INTS7: variants seen among roughly 807,000 people sequenced by gnomAD.
INTS7 encodes the protein chromosome 1 open reading frame 73.
A neutral mutation model predicts 109.2 loss-of-function variants in INTS7; 46 were observed. The observed-to-expected ratio is 0.42, with a 90% confidence interval of 0.33 to 0.54. The LOEUF (loss-of-function observed/expected upper bound fraction) is 0.54. Among genes scored for constraint, INTS7 ranks in the 20% least tolerant of loss-of-function variants. The pLI is 0.07. For missense variants in INTS7, 929 were observed against 1,132.4 expected (o/e 0.82, Z 2.58); for synonymous variants, 412 against 402.9 (o/e 1.02, Z -0.27).
At chr1:211,962,023 C>T (rs1663655256) in intron 16 of INTS7, among the ~76,000 whole-genome samples, 3 of 152,114 alleles carry the variant, frequency 2.0e-5, no homozygotes, top group Admixed American at 1.3e-4. Context: ...CAAATCCATA[C>T]ATCAATACTA....
At chr1:212,005,928 C>T (rs1363307172) in intron 7 of INTS7, among the ~76,000 whole-genome samples, 1 of 151,964 alleles carries the variant, frequency 6.6e-6, no homozygotes, top group Non-Finnish European at 1.5e-5. Context: ...AACAGAAAAA[C>T]AAACACAGCA....
chr1:212,010,581 C>G (rs1666124790), intron 5 of INTS7, among the ~76,000 whole-genome samples: 1 of 152,128 alleles, frequency 6.6e-6, no homozygotes, highest in African/African-American at 2.4e-5. Context: ...AATGATGGAC[C>G]ACATGACAGA....
intron 7 of INTS7, among the ~76,000 whole-genome samples, chr1:211,996,740 T>C (rs968617418): frequency 5.9e-5 from 9 of 152,136 alleles, no homozygotes; most frequent in African/African-American, 1.9e-4. Context: ...AAACCACCCA[T>C]ATGGCCTGGC....
intron 7 of INTS7, among the ~76,000 whole-genome samples, chr1:211,988,280 G>C (rs1449382150): frequency 1.3e-5 from 2 of 151,762 alleles, no homozygotes; most frequent in Admixed American, 6.6e-5. Flanking sequence ...AAATTAGCTG[G>C]GTATGGTGGT....
At chr1:212,013,897 A>G (rs1372508525) in intron 4 of INTS7, among the ~76,000 whole-genome samples, 1 of 152,180 alleles carries the variant, frequency 6.6e-6, no homozygotes, top group African/African-American at 2.4e-5. Context: ...ACAATGATGA[A>G]ATTTCCTAAC....
intron 13 of INTS7, 44 bp downstream of exon 13, chr1:211,975,122 C>G (rs1301968036): frequency 1.5e-6 from 2 of 1,364,408 alleles, no homozygotes; most frequent in Non-Finnish European, 2.1e-6. Flanking sequence ...GGAGAGAACT[C>G]TCACATAAAT....
rs749976973 is a variant in INTS7, at chr1:211,978,412, C to A, written c.1330G>T (p.Ala444Ser). ...LLTQLHSAQD[A>S]ARILMCHCLA... Reference sequence around the variant, plus strand: ...CAATGGCACATCAAAATCCGGGCAGCGTCTTGAGCACTGTGCAATTGAGTC... The same window carrying A: ...CAATGGCACATCAAAATCCGGGCAGAGTCTTGAGCACTGTGCAATTGAGTC... The change falls in exon 11 of 20, where the codon GCT (alanine) becomes TCT (serine). Residue 444 changes from alanine to serine, a missense_variant. Ala to Ser is a moderately conservative substitution (Grantham distance 99). Transcript: ENST00000366994. The A allele has an allele frequency of 6.2e-7, 1 of 1,614,072 alleles. No individual in the cohort carries two copies.
chr1:212,014,776 C>T (rs1173072277), intron 4 of INTS7, among the ~76,000 whole-genome samples: 1 of 152,274 alleles, frequency 6.6e-6, no homozygotes, highest in East Asian at 1.9e-4. Flanking sequence ...AGCTCCTGAC[C>T]GCGAGTGATC....
chr1:211,950,733 A>G (rs1663048162), intron 17 of INTS7, among the ~76,000 whole-genome samples: 1 of 152,268 alleles, frequency 6.6e-6, no homozygotes, highest in South Asian at 2.1e-4. Context: ...GCTGCTGAGC[A>G]GCAATGCCAG....
At chr1:211,972,127 C>T (rs1365930160) in intron 13 of INTS7, among the ~76,000 whole-genome samples, 1 of 151,860 alleles carries the variant, frequency 6.6e-6, no homozygotes, top group Non-Finnish European at 1.5e-5. Context: ...TATTCACAAG[C>T]ATATAAGAAT....
In INTS7 at chr1:211,944,947, C is replaced by A; in HGVS notation, c.2438G>T (p.Arg813Leu). 2 of 1,614,008 alleles carry A rather than the reference C, an allele frequency of 1.2e-6. No individual in the cohort carries two copies. Among genetic ancestry groups the A allele is most frequent in the South Asian group, 1.1e-5 (1 of 91,042 alleles). Residue 813 changes from arginine (R) to leucine (L), a missense_variant, in exon 19 of 20, where the codon CGG (arginine) becomes CTG (leucine). Transcript: ENST00000366994. ...GACAGCAATGGGCTCTGCAGGATTC[C>A]GGGGCGATGGTGACAGAGCAAGCTG... ...SIKLALSPSP[R>L]NPAEPIAVQN...
intron 16 of INTS7, 167 bp downstream of exon 16, chr1:211,966,263 A>T (rs1023610431): frequency 4.3e-5 from 19 of 445,038 alleles, no homozygotes; most frequent in Non-Finnish European, 7.2e-5. Context: ...GCAGGAGGTA[A>T]ATCTATGTTT....
rs767940809 is a variant in INTS7, at chr1:211,941,838, A to G, written c.2875T>C (p.Tyr959His). The G allele has an allele frequency of 2.5e-6, 4 of 1,614,052 alleles. No individual in the cohort carries two copies. In the South Asian group the frequency reaches 3.3e-5, roughly 13 times the overall value. The change falls in exon 20 of 20, where the codon TAC becomes CAC. Residue 959 changes from tyrosine (Y) to histidine (H), a missense_variant. Transcript: ENST00000366994. Reference protein sequence around the residue: ...PLQQQQQRNAYTRF With the variant: ...PLQQQQQRNAHTRF ...TCATTCCATGGTTAAAACCGTGTGT[A>G]GGCATTGCGTTGCTGCTGCTGCTGT...
At chr1:211,973,931 A>G (rs1355333664) in intron 13 of INTS7, among the ~76,000 whole-genome samples, 5 of 152,206 alleles carry the variant, frequency 3.3e-5, no homozygotes. Flanking sequence ...GACTAAGACA[A>G]GGTCTCCTCT....
chr1:212,020,649 G>T, intron 2 of INTS7: 1 of 656,146 alleles, frequency 1.5e-6, no homozygotes, highest in Non-Finnish European at 1.9e-6. Context: ...AGTGCATGGA[G>T]AATGGCAGAA....
At chr1:211,954,187 A>G (rs1159126692) in intron 16 of INTS7, among the ~76,000 whole-genome samples, 5 of 151,516 alleles carry the variant, frequency 3.3e-5, no homozygotes, top group South Asian at 2.1e-4. Flanking sequence ...TTTTGGCTGC[A>G]TAAATGTCTT....
intron 4 of INTS7, chr1:212,011,672 T>C (rs907581369): frequency 2.6e-6 from 1 of 384,848 alleles, no homozygotes; most frequent in Non-Finnish European, 4.7e-6. Flanking sequence ...CAATACAGTG[T>C]TATTTTTTCA....
chr1:212,035,301 C>T (rs750837895), intron 1 of INTS7, 43 bp downstream of exon 1: 13 of 1,324,420 alleles, frequency 9.8e-6, no homozygotes, highest in African/African-American at 2.9e-5. Flanking sequence ...GCGCCACTTC[C>T]CCCCACGCCT....
chr1:212,021,567 C>T (rs946602575), intron 1 of INTS7, among the ~76,000 whole-genome samples: 3 of 151,566 alleles, frequency 2.0e-5, no homozygotes, highest in Non-Finnish European at 4.4e-5. Flanking sequence ...CACGTTTAAC[C>T]CATAGGTGGC....
Sources: allele counts gnomAD v4.1 joint callset (sites outside exome capture counted in the v4.1 genomes callset), GRCh38; gene constraint gnomAD v4.1.1; transcripts MANE v1.5; gene names NCBI Gene and HGNC (gene_info 2026-07-23, HGNC 2026-07-21).